The following PSMB2 variants were observed in gnomAD, a reference collection of about 807,000 sequenced individuals.
PSMB2 encodes the protein proteasome 20S subunit beta 2, also known as proteasome subunit beta type-2.
In PSMB2, 13 loss-of-function variants were observed where a neutral mutation model predicts 25.7. The observed-to-expected ratio is 0.51, with a 90% CI of 0.33 to 0.80. The LOEUF (loss-of-function observed/expected upper bound fraction) is 0.80. PSMB2 is among the 30% of genes least tolerant of loss of function. PSMB2 has a pLI of 0.02. For missense variants in PSMB2, 202 were observed against 259.0 expected (o/e 0.78, Z 1.51); for synonymous variants, 87 against 96.2 (o/e 0.90, Z 0.56).
chr1:35,600,734 C>G lies in PSMB2; in HGVS notation c.*2533G>C. The G allele has an allele frequency of 1.0e-6, 1 of 985,398 alleles. No homozygotes were observed. Among genetic ancestry groups the G allele is most frequent in the Non-Finnish European group, 1.2e-6 (1 of 829,936 alleles). 61.0% of individuals were successfully genotyped at this position (985,398 alleles called of 1,614,324 possible). ...AGAGATCCAGATTGGCAAAAAAACA[C>G]TGAGAGTCAGGATGGGTTTGCAGGC... On this transcript the variant is annotated 3_prime_UTR_variant, in exon 6 of 6. Coordinates refer to ENST00000373237, the MANE Select transcript of PSMB2 (RefSeq NM_002794.5).
intron 3 of PSMB2, 48 bp from the exon 4 acceptor site, chr1:35,609,456 C>A (rs1021530542): frequency 7.3e-7 from 1 of 1,362,218 alleles, no homozygotes; most frequent in Non-Finnish European, 9.8e-7. Flanking sequence ...AGAACACCAA[C>A]ATCTCTTCCC....
intron 3 of PSMB2, among the ~76,000 whole-genome samples, chr1:35,616,135 A>G (rs984946130): frequency 1.3e-5 from 2 of 152,238 alleles, no homozygotes; most frequent in Admixed American, 1.3e-4. Context: ...AAGAGGAAAC[A>G]GTAACTTGCC....
At chr1:35,634,153 C>T (rs1231163095) in intron 2 of PSMB2, among the ~76,000 whole-genome samples, 1 of 152,160 alleles carries the variant, frequency 6.6e-6, no homozygotes, top group African/African-American at 2.4e-5. Flanking sequence ...TAGAAGGAAA[C>T]CTACCAGAGA....
rs898217900 is a variant in PSMB2, at chr1:35,599,743, T to A, written c.*3524A>T. ...GTTTTTTAAAATATGGAGAAAGACC[T>A]GGAGAGGGAAGAGATTAAAAGTAGA... On this transcript the variant is annotated 3_prime_UTR_variant, in exon 6 of 6. Transcript: ENST00000373237. The A allele has an allele frequency of 9.1e-6, 9 of 983,790 alleles. No individual in the cohort carries two copies. Among genetic ancestry groups the A allele is most frequent in the Non-Finnish European group, 9.7e-6 (8 of 828,620 alleles). The allele number at this position is 983,790 out of a possible 1,614,324, so 60.9% of individuals were successfully genotyped here.
intron 3 of PSMB2, among the ~76,000 whole-genome samples, chr1:35,619,259 G>A (rs1650603359): frequency 6.6e-6 from 1 of 152,178 alleles, no homozygotes; most frequent in South Asian, 2.1e-4. Flanking sequence ...CTTAAGCTCA[G>A]GAATGTTGCT....
rs1358601192 is a variant in PSMB2 at position 35,603,102 on chromosome 1, G to C, written c.*165C>G. The C allele has an allele frequency of 3.6e-6, 5 of 1,405,630 alleles. No individual in the cohort carries two copies. In the East Asian group the frequency reaches 1.1e-4, roughly 30 times the overall value. The allele number at this position is 1,405,630 out of a possible 1,614,324, so 87.1% of individuals were successfully genotyped here. On this transcript the variant is annotated 3_prime_UTR_variant, in exon 6 of 6. Coordinates refer to ENST00000373237, the MANE Select transcript of PSMB2 (RefSeq NM_002794.5). The stretch of plus-strand genomic sequence containing the variant: ...ATCTTCCCTCCATATCCTTTCTGAG[G>C]TAATATTAGGTAAACTGAGACCTGG...
rs558346604 is a variant in PSMB2 at position 35,600,601 on chromosome 1, G to C, written c.*2666C>G. ...TCTAAGACAGAATGTCATAGAGGCGGTTTGGAGAGGGGCAGATGGTAAGGC... is the reference window on the plus strand; with the variant it reads ...TCTAAGACAGAATGTCATAGAGGCGCTTTGGAGAGGGGCAGATGGTAAGGC... On this transcript the variant is annotated 3_prime_UTR_variant, in exon 6 of 6. Coordinates refer to ENST00000373237, the MANE Select transcript of PSMB2 (RefSeq NM_002794.5). 9 of 985,438 alleles carry C rather than the reference G, an allele frequency of 9.1e-6. No individual in the cohort carries two copies. In the East Asian group the frequency reaches 1.0e-3, roughly 112 times the overall value. 61.0% of individuals were successfully genotyped at this position (985,438 alleles called of 1,614,324 possible). A position where few individuals can be genotyped will look rare whatever the true frequency, so the allele number is the denominator to read the frequency against.
chr1:35,603,689 T>G (rs1053987484), intron 5 of PSMB2, among the ~76,000 whole-genome samples: 12 of 152,162 alleles, frequency 7.9e-5, no homozygotes, highest in African/African-American at 2.9e-4. Flanking sequence ...CCCATCAGTC[T>G]GGTAAACACA....
At chr1:35,612,295 T>TC (rs1303169087) in intron 3 of PSMB2, among the ~76,000 whole-genome samples, 1 of 152,028 alleles carries the variant, frequency 6.6e-6, no homozygotes, top group Non-Finnish European at 1.5e-5. Flanking sequence ...TCTGGGTTTT[T>TC]TTTTTTTTAA....
intron 1 of PSMB2, 39 bp from the exon 2 acceptor site, chr1:35,636,471 C>T (rs551267538): frequency 6.3e-7 from 1 of 1,599,140 alleles, no homozygotes; most frequent in Admixed American, 1.7e-5. Context: ...ACTGCCTTAA[C>T]AGACATTGAC....
intron 4 of PSMB2, among the ~76,000 whole-genome samples, chr1:35,607,593 A>G (rs576659932): frequency 6.6e-6 from 1 of 152,350 alleles, no homozygotes; most frequent in South Asian, 2.1e-4. Context: ...GCAAACTAGT[A>G]TAGCCACTAG....
chr1:35,622,827 A>T (rs569443560), intron 3 of PSMB2, among the ~76,000 whole-genome samples: 1 of 151,302 alleles, frequency 6.6e-6, no homozygotes, highest in Admixed American at 6.6e-5. Flanking sequence ...AAAAAAAAAG[A>T]AAGAAAAAGA....
intron 4 of PSMB2, among the ~76,000 whole-genome samples, chr1:35,606,674 G>T (rs1650180731): frequency 6.6e-6 from 1 of 152,016 alleles, no homozygotes; most frequent in African/African-American, 2.4e-5. Flanking sequence ...CCAATGACAT[G>T]CCTCACAGAA....
intron 3 of PSMB2, among the ~76,000 whole-genome samples, chr1:35,614,096 C>T (rs1650417752): frequency 6.6e-6 from 1 of 152,202 alleles, no homozygotes; most frequent in South Asian, 2.1e-4. Flanking sequence ...CCTCCTCTCT[C>T]ATTCCTGGGA....
intron 3 of PSMB2, among the ~76,000 whole-genome samples, chr1:35,627,175 G>C (rs1205859352): frequency 1.3e-5 from 2 of 149,544 alleles, no homozygotes; most frequent in East Asian, 3.9e-4. Flanking sequence ...GCTGAAGTGG[G>C]AGTATTGTTT....
chr1:35,599,582 AG>A lies in PSMB2; in HGVS notation c.*3684del, dbSNP rs1649929000. On this transcript the variant is annotated 3_prime_UTR_variant, in exon 6 of 6. Transcript: ENST00000373237. ...GCTTTATGAGGTGTAAAGGAGGGAAAGGAAGTGGGGAGTTAGGTTCGGAGAG... is the reference window on the plus strand; with the variant it reads ...GCTTTATGAGGTGTAAAGGAGGGAAAGAAGTGGGGAGTTAGGTTCGGAGAG... 1 of 985,006 alleles carries A rather than the reference AG, an allele frequency of 1.0e-6. No individual in the cohort carries two copies. The highest frequency in any genetic ancestry group is 1.2e-6 in the Non-Finnish European group (1 of 829,636). 61.0% of individuals were successfully genotyped at this position (985,006 alleles called of 1,614,324 possible). A position where few individuals can be genotyped will look rare whatever the true frequency, so the allele number is the denominator to read the frequency against.
At chr1:35,614,057 T>C (rs1650416151) in intron 3 of PSMB2, among the ~76,000 whole-genome samples, 1 of 152,222 alleles carries the variant, frequency 6.6e-6, no homozygotes, top group Non-Finnish European at 1.5e-5. Flanking sequence ...GCCTGACACA[T>C]GGTAGAAAAG....
At chr1:35,629,044 C>G (rs142685015) in intron 3 of PSMB2, among the ~76,000 whole-genome samples, 1 of 152,228 alleles carries the variant, frequency 6.6e-6, no homozygotes, top group African/African-American at 2.4e-5. Context: ...GCTGTGTGAC[C>G]TGGAGCTAGT....
At chr1:35,605,407 A>C in intron 4 of PSMB2, 125 bp from the exon 5 acceptor site, 1 of 965,496 alleles carries the variant, frequency 1.0e-6, no homozygotes, top group African/African-American at 1.7e-5. Context: ...TAAAAGGCAA[A>C]AAATGCTTTG....
Sources: allele counts gnomAD v4.1 joint callset (sites outside exome capture counted in the v4.1 genomes callset), GRCh38; gene constraint gnomAD v4.1.1; transcripts MANE v1.5; gene names NCBI Gene and HGNC (gene_info 2026-07-23, HGNC 2026-07-21).